VPS13C: variants seen among roughly 807,000 people sequenced by gnomAD.
VPS13C encodes the protein intermembrane lipid transfer protein VPS13C.
Under a neutral mutation model 456.8 loss-of-function variants are expected in VPS13C, and 358 were observed. The observed-to-expected ratio is 0.78, with a 90% CI of 0.72 to 0.86. VPS13C has a LOEUF of 0.86. VPS13C is among the 40% of genes least tolerant of loss of function. VPS13C has a pLI of 0.00. For missense variants in VPS13C, 4,818 were observed against 4,385.4 expected (o/e 1.10, Z -2.79); for synonymous variants, 1,578 against 1,486.7 (o/e 1.06, Z -1.41).
At chr15:61,989,112 T>C (rs1480667816) in intron 18 of VPS13C, among the ~76,000 whole-genome samples, 4 of 151,362 alleles carry the variant, frequency 2.6e-5, no homozygotes, top group Non-Finnish European at 5.9e-5. Flanking sequence ...AAAATGGGGA[T>C]GGGAGTGGTG....
chr15:62,030,765 C>A (rs1365871054), intron 5 of VPS13C, among the ~76,000 whole-genome samples: 1 of 151,840 alleles, frequency 6.6e-6, no homozygotes, highest in Non-Finnish European at 1.5e-5. Context: ...ACAGGAAGTC[C>A]TAGATAATGC....
intron 66 of VPS13C, among the ~76,000 whole-genome samples, chr15:61,904,033 A>T (rs1028562153): frequency 5.3e-5 from 8 of 152,288 alleles, no homozygotes; most frequent in African/African-American, 1.9e-4. Context: ...AGAACTATTT[A>T]AAGAAAACAT....
In VPS13C at chr15:61,974,339, C is replaced by T; in HGVS notation, c.2487G>A (p.Met829Ile). The T allele has an allele frequency of 6.2e-7, 1 of 1,612,614 alleles. No individual in the cohort carries two copies. Among genetic ancestry groups the T allele is most frequent in the Non-Finnish European group, 8.5e-7 (1 of 1,179,020 alleles). The change falls in exon 25 of 85, where the codon ATG becomes ATA. Residue 829 changes from methionine to isoleucine, a missense_variant. By Grantham distance (10) the Met-to-Ile change is conservative. Around this residue, in one of 3 missense-constraint regions of VPS13C, gnomAD observed 4,552 missense variants for 4,130.6 expected, o/e 1.10. Coordinates refer to ENST00000644861, the MANE Select transcript of VPS13C (RefSeq NM_020821.3). Reference protein sequence around the residue: ...DQKMKDVLYLMNSIPLPQKSS... With the variant: ...DQKMKDVLYLINSIPLPQKSS... ...ATTTCTGTGGCAAAGGTATACTGTTCATCAAATATAGCACATCTTTCATCT... is the reference window on the plus strand; with the variant it reads ...ATTTCTGTGGCAAAGGTATACTGTTTATCAAATATAGCACATCTTTCATCT...
intron 66 of VPS13C, among the ~76,000 whole-genome samples, chr15:61,899,260 G>C (rs2042924382): frequency 9.6e-6 from 1 of 104,708 alleles, no homozygotes; most frequent in Non-Finnish European, 1.9e-5. Context: ...AATCAGAGCA[G>C]AACTGAAGGA....
Position 61,873,238 on chromosome 15 carries a change from G to A in VPS13C, c.10578+8C>T. 1.2e-6 allele frequency: 2 copies of A among 1,613,200 alleles called. No individual in the cohort carries two copies. The highest frequency in any genetic ancestry group is 4.5e-5 in the East Asian group (2 of 44,860). ...GCAGATTTCTTAAAGATTCAGCAAA[G>A]AACTTACTCGCAGAAAGCCCTTTCC... On this transcript the variant is annotated splice_region_variant and intron_variant, in intron 78 of 84. Coordinates refer to ENST00000644861, the MANE Select transcript of VPS13C (RefSeq NM_020821.3).
intron 49 of VPS13C, among the ~76,000 whole-genome samples, chr15:61,931,741 T>C (rs1397355346): frequency 2.0e-5 from 3 of 151,470 alleles, no homozygotes; most frequent in African/African-American, 7.3e-5. Context: ...CATGCCCGGC[T>C]AATTTTTTTT....
At position 61,931,112 on chromosome 15, in the gene VPS13C, C is replaced by T. The variant is rs2044040665; in HGVS notation, c.6016G>A (p.Gly2006Arg). Residue 2006 changes from glycine (G) to arginine (R), a missense_variant, in exon 50 of 85, where the codon GGA becomes AGA. Transcript: ENST00000644861. ...AACCTCGATGTTGCTCTCTCAATTC[C>T]TTCTCTGAGATCATCAAGGGTGCAT... ...KTCTLDDLREGIERATSRMID... is the reference protein window; with the variant it reads ...KTCTLDDLRERIERATSRMID... The T allele has an allele frequency of 1.2e-6, 2 of 1,614,042 alleles. No individual in the cohort carries two copies. The highest frequency in any genetic ancestry group is 2.2e-5 in the East Asian group (1 of 44,868).
intron 50 of VPS13C, among the ~76,000 whole-genome samples, chr15:61,930,827 G>A (rs1323360428): frequency 6.6e-6 from 1 of 152,182 alleles, no homozygotes; most frequent in African/African-American, 2.4e-5. Flanking sequence ...ATCACCCCAT[G>A]TGGATTTAAC....
chr15:61,991,837 A>C, intron 16 of VPS13C, 35 bp from the exon 17 acceptor site: 1 of 1,595,520 alleles, frequency 6.3e-7, no homozygotes, highest in East Asian at 2.2e-5. Context: ...TACTTTAAGA[A>C]TGTTGCCCTC....
chr15:61,876,570 G>A (rs1217690283), intron 75 of VPS13C, among the ~76,000 whole-genome samples: 1 of 151,924 alleles, frequency 6.6e-6, no homozygotes, highest in African/African-American at 2.4e-5. Context: ...AAAGTGACCT[G>A]CAACAACTAC....
rs924671661 is a variant in VPS13C, at chr15:61,999,726, C to T, written c.1353+838G>A. ...ATCTTAGAAATGACATGGAACACTG[C>T]GCACAAGGCATCAATAAATAAGCAG... is the stretch of plus-strand genomic sequence containing the variant. On this transcript the variant is annotated intron_variant, in intron 16 of 84. Coordinates refer to ENST00000644861, the MANE Select transcript of VPS13C (RefSeq NM_020821.3). Among the ~76,000 whole-genome samples the T allele has an allele frequency of 5.3e-5, 8 of 150,794 alleles. No homozygotes were observed. In the South Asian group the frequency reaches 1.0e-3, roughly 20 times the overall value.
intron 32 of VPS13C, among the ~76,000 whole-genome samples, chr15:61,963,164 G>T (rs1322225664): frequency 6.6e-6 from 1 of 151,986 alleles, no homozygotes; most frequent in African/African-American, 2.4e-5. Context: ...AACTATAAAA[G>T]TTTCACAAAT....
intron 3 of VPS13C, among the ~76,000 whole-genome samples, chr15:62,035,725 C>G (rs1213128008): frequency 6.6e-6 from 1 of 151,946 alleles, no homozygotes; most frequent in Non-Finnish European, 1.5e-5. Flanking sequence ...CAGTTATATT[C>G]CAAATATCTA....
chr15:61,938,896 T>G (rs2044321769), intron 47 of VPS13C, among the ~76,000 whole-genome samples: 1 of 152,190 alleles, frequency 6.6e-6, no homozygotes, highest in African/African-American at 2.4e-5. Context: ...TTTCTTAAAG[T>G]TATCACACTG....
At chr15:61,979,727 C>A (rs2045816279) in intron 22 of VPS13C, among the ~76,000 whole-genome samples, 1 of 152,172 alleles carries the variant, frequency 6.6e-6, no homozygotes, top group Non-Finnish European at 1.5e-5. Context: ...TCAGCTTACA[C>A]AATTCTGACT....
rs116803472 is a variant in VPS13C at position 61,983,868 on chromosome 15, G to T, written c.1866C>A (p.Asp622Glu). The T allele has an allele frequency of 1.7e-4, 267 of 1,614,104 alleles. No individual in the cohort carries two copies. In the East Asian group the frequency reaches 4.7e-3, roughly 28 times the overall value. The change falls in exon 20 of 85, where the codon GAC becomes GAA. Residue 622 changes from aspartate to glutamate, a missense_variant. This residue lies in a region of VPS13C where 4,552 missense variants were observed against 4,130.6 expected (regional missense o/e 1.10). Transcript: ENST00000644861. ...FETNPEDSPA[D>E]QTLIVQSQPV... ...GCTGGGACTGAACAATCAGAGTCTG[G>T]TCAGCAGGACTATCCTCCGGATTGG...
At chr15:62,053,132 A>G (rs1012175459) in intron 1 of VPS13C, among the ~76,000 whole-genome samples, 2 of 152,214 alleles carry the variant, frequency 1.3e-5, no homozygotes, top group African/African-American at 2.4e-5. Flanking sequence ...AATATGTATT[A>G]CACTAATGAC....
At position 61,929,762 on chromosome 15, in the gene VPS13C, T is replaced by C. The variant is rs184488134; in HGVS notation, c.6039-14A>G. ...CTGTCAATCATTCTGAAAAAAAACA[T>C]GCTATTCATTATTTTATTCTTGCTA... On this transcript the variant is annotated splice_polypyrimidine_tract_variant and intron_variant, in intron 50 of 84. Coordinates refer to ENST00000644861, the MANE Select transcript of VPS13C (RefSeq NM_020821.3). The C allele has an allele frequency of 1.2e-4, 184 of 1,598,696 alleles. No homozygotes were observed. The highest frequency in any genetic ancestry group is 1.5e-4 in the Non-Finnish European group (173 of 1,169,742).
intron 58 of VPS13C, 103 bp downstream of exon 58, chr15:61,919,186 C>G: frequency 8.7e-7 from 1 of 1,146,900 alleles, no homozygotes; most frequent in Non-Finnish European, 1.2e-6. Flanking sequence ...TCTGAATAAT[C>G]AGAATTGACC....
Sources: gnomAD v4.1 joint callset for allele counts (sites outside exome capture counted in the v4.1 genomes callset) on GRCh38, gnomAD v4.1.1 for gene constraint, gnomAD v4.1.1 regional missense constraint, MANE v1.5 for transcripts, NCBI Gene and HGNC (gene_info 2026-07-23, HGNC 2026-07-21) for gene names.